SPDYA: variants seen among roughly 807,000 people sequenced by gnomAD.
SPDYA encodes the protein speedy/RINGO cell cycle regulator family member A, also known as speedy protein A.
SPDYA carries 11 observed loss-of-function variants against 36.7 expected under a neutral mutation model. The ratio of observed to expected loss-of-function variants is 0.30; its 90% CI spans 0.19 to 0.50. The LOEUF (loss-of-function observed/expected upper bound fraction) is 0.50. SPDYA is among the 20% of genes least tolerant of loss of function. SPDYA has a pLI of 0.98. For synonymous variants in SPDYA, 115 were observed against 118.7 expected (o/e 0.97, Z 0.20); for missense variants, 287 against 370.9 (o/e 0.77, Z 1.86).
intron 6 of SPDYA, among the ~76,000 whole-genome samples, chr2:28,830,734 A>G (rs758184885): frequency 3.3e-5 from 5 of 152,152 alleles, no homozygotes; most frequent in Non-Finnish European, 5.9e-5. Flanking sequence ...TAAAATCATA[A>G]CTCTTTTCAC....
intron 3 of SPDYA, among the ~76,000 whole-genome samples, chr2:28,817,924 G>A (rs1471276740): frequency 2.7e-5 from 4 of 147,086 alleles, no homozygotes; most frequent in Non-Finnish European, 6.0e-5. Context: ...ACTTTGGGAG[G>A]CCAAGGCAAG....
At chr2:28,813,557 T>G (rs1483060770) in intron 1 of SPDYA, among the ~76,000 whole-genome samples, 1 of 151,738 alleles carries the variant, frequency 6.6e-6, no homozygotes, top group Non-Finnish European at 1.5e-5. Context: ...ATCTAGATTT[T>G]TTTTTTTTTT....
chr2:28,838,356 T>C (rs1668664822), intron 6 of SPDYA, among the ~76,000 whole-genome samples: 1 of 151,882 alleles, frequency 6.6e-6, no homozygotes, highest in Admixed American at 6.6e-5. Flanking sequence ...TAATTTTGTA[T>C]TTTTAGTAGA....
At chr2:28,818,936 C>T in intron 3 of SPDYA, 112 bp from the exon 4 acceptor site, 2 of 799,380 alleles carry the variant, frequency 2.5e-6, no homozygotes, top group Non-Finnish European at 4.0e-6. Flanking sequence ...CTGGTTCATT[C>T]ATTTTTGTTT....
intron 2 of SPDYA, among the ~76,000 whole-genome samples, chr2:28,815,504 G>T (rs1367560077): frequency 6.6e-6 from 1 of 151,914 alleles, no homozygotes; most frequent in Non-Finnish European, 1.5e-5. Context: ...CCAATAAAGA[G>T]ATATGGGGTT....
chr2:28,843,289 C>T (rs1222955459), intron 7 of SPDYA, among the ~76,000 whole-genome samples: 1 of 152,106 alleles, frequency 6.6e-6, no homozygotes, highest in Non-Finnish European at 1.5e-5. Context: ...TGGCTTGTGC[C>T]TGTAATCCCA....
intron 7 of SPDYA, among the ~76,000 whole-genome samples, chr2:28,846,163 G>A (rs1262303399): frequency 1.1e-4 from 17 of 152,166 alleles, no homozygotes; most frequent in Non-Finnish European, 2.5e-4. Context: ...CCAGCACTTT[G>A]GGAGGCTGAA....
intron 4 of SPDYA, 106 bp from the exon 5 acceptor site, chr2:28,822,216 TTTA>T (rs1668186530): frequency 2.0e-6 from 1 of 491,888 alleles, no homozygotes. Flanking sequence ...TAAGTAACAC[TTTA>T]TTGTTTTAGC....
chr2:28,836,527 T>C (rs1668607681), intron 6 of SPDYA, among the ~76,000 whole-genome samples: 2 of 152,184 alleles, frequency 1.3e-5, no homozygotes, highest in African/African-American at 4.8e-5. Flanking sequence ...AGTTTTGTAA[T>C]TGTCTCTTTT....
chr2:28,834,322 A>G (rs1294155456), intron 6 of SPDYA, among the ~76,000 whole-genome samples: 1 of 152,186 alleles, frequency 6.6e-6, no homozygotes, highest in African/African-American at 2.4e-5. Flanking sequence ...AATTCCTCAC[A>G]AGGTTAACAT....
intron 7 of SPDYA, among the ~76,000 whole-genome samples, chr2:28,845,016 C>T (rs1319022792): frequency 6.6e-6 from 1 of 152,040 alleles, no homozygotes; most frequent in Non-Finnish European, 1.5e-5. Context: ...GAACTCCTGG[C>T]CTTAAGCAAT....
intron 5 of SPDYA, 124 bp downstream of exon 5, chr2:28,822,534 T>G: frequency 2.4e-6 from 1 of 415,942 alleles, no homozygotes; most frequent in Non-Finnish European, 4.3e-6. Flanking sequence ...ATAAATGCTG[T>G]ATGTTTTTTA....
intron 6 of SPDYA, among the ~76,000 whole-genome samples, chr2:28,835,517 A>G (rs1205619848): frequency 6.6e-6 from 1 of 152,214 alleles, no homozygotes; most frequent in African/African-American, 2.4e-5. Context: ...GATTACAGGC[A>G]TGAGCGCCCA....
At chr2:28,844,009 G>C (rs564284210) in intron 7 of SPDYA, among the ~76,000 whole-genome samples, 39 of 152,214 alleles carry the variant, frequency 2.6e-4, no homozygotes, top group African/African-American at 9.4e-4. Context: ...GGATCATATA[G>C]GGAGGCATGT....
At chr2:28,842,281 A>C (rs967928627) in intron 7 of SPDYA, 2 of 152,264 alleles carry the variant, frequency 1.3e-5, no homozygotes, top group Admixed American at 1.3e-4. Context: ...ATGAAAGGCT[A>C]CATGAAGTGA....
chr2:28,833,248 G>T (rs1216039410), intron 6 of SPDYA, among the ~76,000 whole-genome samples: 1 of 152,050 alleles, frequency 6.6e-6, no homozygotes, highest in Non-Finnish European at 1.5e-5. Context: ...GGGTAAAAGA[G>T]AAAGTCCCTG....
intron 4 of SPDYA, among the ~76,000 whole-genome samples, chr2:28,819,852 ATATATATATATATATATATAT>A (rs1558322438): frequency 3.6e-3 from 21 of 5,838 alleles, no homozygotes; most frequent in South Asian, 0.012. Flanking sequence ...AAAAAAAAAT[ATATATATATATATATATATAT>A]ATATATATAT....
chr2:28,812,857 CAAAAA>C (rs70956047), intron 1 of SPDYA, among the ~76,000 whole-genome samples: 7 of 84,048 alleles, frequency 8.3e-5, no homozygotes, highest in East Asian at 4.0e-4. Flanking sequence ...AACTCCGTCT[CAAAAA>C]AAAAAAAAAA....
At chr2:28,834,558 T>C (rs757995810) in intron 6 of SPDYA, among the ~76,000 whole-genome samples, 1 of 152,202 alleles carries the variant, frequency 6.6e-6, no homozygotes, top group African/African-American at 2.4e-5. Context: ...ATGAAGTACC[T>C]GGTTCAAGCT....
Sources: gnomAD v4.1 joint callset for allele counts (sites outside exome capture counted in the v4.1 genomes callset) on GRCh38, gnomAD v4.1.1 for gene constraint, MANE v1.5 for transcripts, NCBI Gene and HGNC (gene_info 2026-07-23, HGNC 2026-07-21) for gene names.